The following GALNT13 variants were observed in gnomAD, a reference collection of about 807,000 sequenced individuals.
The protein encoded by GALNT13 is polypeptide N-acetylgalactosaminyltransferase 13, also known as UDP-GalNAc:polypeptide N-acetylgalactosaminyltransferase 13.
GALNT13 carries 28 observed loss-of-function variants against 64.2 expected under a neutral mutation model. The ratio of observed to expected loss-of-function variants is 0.44; its 90% CI spans 0.32 to 0.60. GALNT13 has a LOEUF of 0.60. Ranked by LOEUF, GALNT13 falls within the 20% of genes least tolerant of loss-of-function variation. The pLI is 0.05. For missense variants in GALNT13, 577 were observed against 669.8 expected, an observed-to-expected ratio of 0.86 and a Z score of 1.53; for synonymous variants, 214 against 224.6, an observed-to-expected ratio of 0.95 and a Z score of 0.42.
chr2:153,334,980 G>C, the GALNT13 span, among the ~76,000 whole-genome samples: 1 of 152,282 alleles, frequency 6.6e-6, no homozygotes, highest in South Asian at 2.1e-4. Flanking sequence ...ATGGGGGCCA[G>C]TCTTTCCCAT....
chr2:154,332,256 T>G (rs1168243104), intron 9 of GALNT13, among the ~76,000 whole-genome samples: 1 of 152,104 alleles, frequency 6.6e-6, no homozygotes, highest in African/African-American at 2.4e-5. Flanking sequence ...TTGTGTTTTC[T>G]ACCTCTGCTG....
In GALNT13 at chr2:153,944,304, T is replaced by C. The variant is rs1251574231; in HGVS notation, c.-104-90T>C. On this transcript the variant is annotated intron_variant, in intron 2 of 12. Transcript: ENST00000392825. ...TTGAGTACTGATATATTTGAGAACATTAAATAAGTCATACATTTCATGTTA... is the reference window on the plus strand; with the variant it reads ...TTGAGTACTGATATATTTGAGAACACTAAATAAGTCATACATTTCATGTTA... 4 of 493,928 alleles carry C rather than the reference T, an allele frequency of 8.1e-6. No individual in the cohort carries two copies. In the East Asian group the frequency reaches 9.6e-5, roughly 12 times the overall value. 30.6% of individuals were successfully genotyped at this position (493,928 alleles called of 1,614,324 possible).
chr2:153,410,874 T>TAGAG, the GALNT13 span, among the ~76,000 whole-genome samples: 7 of 147,384 alleles, frequency 4.7e-5, no homozygotes, highest in South Asian at 6.4e-4. Flanking sequence ...AATATATATT[T>TAGAG]AGAGAGAGAG....
the GALNT13 span, among the ~76,000 whole-genome samples, chr2:153,605,194 A>G: frequency 6.6e-6 from 1 of 152,084 alleles, no homozygotes; most frequent in African/African-American, 2.4e-5. Flanking sequence ...GCAGCCTTCT[A>G]TTCTAAGCCT....
intron 2 of GALNT13, among the ~76,000 whole-genome samples, chr2:153,906,293 G>A (rs1204568608): frequency 6.7e-6 from 1 of 150,374 alleles, no homozygotes; most frequent in Non-Finnish European, 1.5e-5. Context: ...TGTGCACAAT[G>A]TGCAGGTTTG....
At chr2:153,540,673 C>A in the GALNT13 span, among the ~76,000 whole-genome samples, 1 of 152,242 alleles carries the variant, frequency 6.6e-6, no homozygotes, top group East Asian at 1.9e-4. Flanking sequence ...GAGCCCACCT[C>A]CTGCAACAGT....
chr2:153,974,556 A>G (rs994771551), intron 3 of GALNT13, among the ~76,000 whole-genome samples: 8 of 152,032 alleles, frequency 5.3e-5, no homozygotes, highest in Non-Finnish European at 1.2e-4. Flanking sequence ...TGGAGCTTGC[A>G]TGCTAGTGGA....
At chr2:154,121,277 A>G (rs1355171322) in intron 3 of GALNT13, among the ~76,000 whole-genome samples, 1 of 152,088 alleles carries the variant, frequency 6.6e-6, no homozygotes, top group Non-Finnish European at 1.5e-5. Context: ...GGGGGTGGGG[A>G]AGTGGAACTT....
chr2:153,962,547 G>T (rs1693018584), intron 3 of GALNT13, among the ~76,000 whole-genome samples: 1 of 152,064 alleles, frequency 6.6e-6, no homozygotes. Flanking sequence ...AATCAGAAAG[G>T]AAAACAACTG....
At chr2:153,783,057 G>A in the GALNT13 span, among the ~76,000 whole-genome samples, 1,127 of 152,298 alleles carry the variant, frequency 7.4e-3, 15 homozygotes, top group African/African-American at 0.026. Flanking sequence ...ATTGAGGATG[G>A]TTTGGGCTTA....
At chr2:154,227,437 G>C (rs746587852) in intron 4 of GALNT13, among the ~76,000 whole-genome samples, 2 of 151,144 alleles carry the variant, frequency 1.3e-5, no homozygotes, top group African/African-American at 4.9e-5. Flanking sequence ...CCAGTAACTC[G>C]TTATTTAACA....
chr2:153,495,907 A>G, the GALNT13 span, among the ~76,000 whole-genome samples: 344 of 152,334 alleles, frequency 2.3e-3, 1 homozygote, highest in African/African-American at 8.0e-3. Context: ...GTAACCTTAC[A>G]GGAAAGGAGC....
the GALNT13 span, among the ~76,000 whole-genome samples, chr2:153,403,558 T>G: frequency 1.3e-5 from 2 of 152,216 alleles, no homozygotes; most frequent in Non-Finnish European, 2.9e-5. Flanking sequence ...GATCTCAGAC[T>G]GCTGTGCTAG....
intron 9 of GALNT13, among the ~76,000 whole-genome samples, chr2:154,304,788 A>C (rs531948355): frequency 6.0e-4 from 91 of 152,216 alleles, no homozygotes; most frequent in Non-Finnish European, 1.1e-3. Flanking sequence ...GTTTTATAAA[A>C]TGGATTTATT....
At chr2:153,864,163 TAGTC>T in the GALNT13 span, among the ~76,000 whole-genome samples, 8 of 152,272 alleles carry the variant, frequency 5.3e-5, no homozygotes, top group Middle Eastern at 3.4e-3. Context: ...ATAGCGTACA[TAGTC>T]AGGCTGGCAT....
chr2:153,624,481 C>T, the GALNT13 span, among the ~76,000 whole-genome samples: 2 of 152,082 alleles, frequency 1.3e-5, no homozygotes, highest in Non-Finnish European at 1.5e-5. Flanking sequence ...ACTTAATACA[C>T]CTTGGCCTCT....
At chr2:154,307,583 A>G (rs999564400) in intron 9 of GALNT13, among the ~76,000 whole-genome samples, 1 of 151,340 alleles carries the variant, frequency 6.6e-6, no homozygotes, top group African/African-American at 2.4e-5. Context: ...AAATAGACAT[A>G]CTTTGAAATA....
rs180760461 is a variant in GALNT13, at chr2:154,243,780, G to A, written c.686+875G>A. Among the ~76,000 whole-genome samples, 296 of 152,170 alleles carry A rather than the reference G, an allele frequency of 1.9e-3. 1 individual carries two copies. Among genetic ancestry groups the A allele is most frequent in the Admixed American group, 2.8e-3 (43 of 15,286 alleles). ...AACACCATACTTGCATAGTCATTTC[G>A]TCTATAGTAGAAAATTCCTTCTAGA... On this transcript the variant is annotated intron_variant, in intron 6 of 12. Transcript: ENST00000392825.
chr2:153,116,308 T>A, the GALNT13 span, among the ~76,000 whole-genome samples: 1 of 152,156 alleles, frequency 6.6e-6, no homozygotes, highest in Admixed American at 6.5e-5. Flanking sequence ...GGAGACTTTA[T>A]AACAAAGTAA....
Sources: allele counts gnomAD v4.1 joint callset (sites outside exome capture counted in the v4.1 genomes callset), GRCh38; gene constraint gnomAD v4.1.1; transcripts MANE v1.5; gene names NCBI Gene and HGNC (gene_info 2026-07-23, HGNC 2026-07-21).